The following FLI1 variants were observed in gnomAD, a reference collection of about 807,000 sequenced individuals.
FLI1 encodes Fli-1 proto-oncogene, ETS transcription factor.
FLI1 carries 13 observed loss-of-function variants against 53.1 expected under a neutral mutation model. The ratio of observed to expected loss-of-function variants is 0.24; its 90% CI spans 0.16 to 0.39. The LOEUF (loss-of-function observed/expected upper bound fraction) is 0.39, where lower values mean the gene tolerates loss of function less well. FLI1 is among the 10% of genes least tolerant of loss of function. FLI1 has a pLI of 1.00. For missense variants in FLI1, 424 were observed against 600.5 expected (o/e 0.71, Z 3.07); for synonymous variants, 244 against 236.7 (o/e 1.03, Z -0.28).
rs780717286 is a variant in FLI1 at position 128,764,168 on chromosome 11, A to G, written c.231-3950A>G. 6.0e-4 allele frequency among the ~76,000 whole-genome samples: 91 copies of G among 152,246 alleles called. 1 individual carries two copies. Among genetic ancestry groups the G allele is most frequent in the Admixed American group, 9.8e-4 (15 of 15,290 alleles). ...CTAGGAAGGTAGAGAAGATCTTTGT[A>G]CAGCCTAAAGAGGTAATCTTCAGGA... On this transcript the variant is annotated intron_variant, in intron 2 of 8. Transcript: ENST00000527786.
intron 4 of FLI1, among the ~76,000 whole-genome samples, chr11:128,774,455 T>A (rs1223210087): frequency 6.6e-6 from 1 of 152,208 alleles, no homozygotes; most frequent in East Asian, 1.9e-4. Flanking sequence ...AGCTTTTAAC[T>A]GTTTGTGGAA....
At chr11:128,790,421 C>G (rs1942239394) in intron 5 of FLI1, among the ~76,000 whole-genome samples, 1 of 152,102 alleles carries the variant, frequency 6.6e-6, no homozygotes, top group Admixed American at 6.5e-5. Flanking sequence ...AAACCCCAAT[C>G]CCTCGGGAAC....
chr11:128,801,779 T>C (rs772952487), intron 5 of FLI1, among the ~76,000 whole-genome samples: 2 of 152,232 alleles, frequency 1.3e-5, no homozygotes, highest in Non-Finnish European at 2.9e-5. Context: ...AACAAATACT[T>C]AGAGTCTACT....
chr11:128,784,481 G>A (rs916701065), intron 5 of FLI1, among the ~76,000 whole-genome samples: 4 of 152,142 alleles, frequency 2.6e-5, no homozygotes, highest in African/African-American at 9.7e-5. Flanking sequence ...CATTCAGGTG[G>A]TGCCGGCATT....
chr11:128,748,636 A>T (rs1940514616), intron 1 of FLI1, among the ~76,000 whole-genome samples: 1 of 151,954 alleles, frequency 6.6e-6, no homozygotes, highest in Admixed American at 6.6e-5. Flanking sequence ...TCTGTCTCAA[A>T]AAAAAAAAGA....
Position 128,794,813 on chromosome 11 carries a change from C to T in FLI1, c.656-10553C>T, listed in dbSNP as rs543729139. Among the ~76,000 whole-genome samples, 367 of 152,190 alleles carry T rather than the reference C, an allele frequency of 2.4e-3. 6 individuals are homozygous for T. Among genetic ancestry groups the T allele is most frequent in the Middle Eastern group, 6.8e-3 (2 of 294 alleles). ...AACATGGGTCAGGTGTGGTGGCTCA[C>T]GCCTGTAATCTCAACATTTTGGGAG... On this transcript the variant is annotated intron_variant, in intron 5 of 8. Coordinates refer to ENST00000527786, the MANE Select transcript of FLI1 (RefSeq NM_002017.5).
At chr11:128,805,196 G>C in intron 5 of FLI1, 170 bp from the exon 6 acceptor site, 1 of 499,904 alleles carries the variant, frequency 2.0e-6, no homozygotes. Context: ...GAAAGTCAGA[G>C]TGTTAATATT....
intron 1 of FLI1, among the ~76,000 whole-genome samples, chr11:128,696,512 G>C (rs1938083904): frequency 6.6e-6 from 1 of 152,148 alleles, no homozygotes; most frequent in Non-Finnish European, 1.5e-5. Flanking sequence ...GCCTGTTTGA[G>C]ATTCATAGTC....
intron 2 of FLI1, chr11:128,764,550 G>A (rs556147719): frequency 1.8e-6 from 2 of 1,087,438 alleles, no homozygotes; most frequent in South Asian, 2.7e-5. Context: ...AGCTGTAAGT[G>A]CAGGTCTTAA....
At chr11:128,758,016 T>TG in intron 1 of FLI1, 99 bp from the exon 2 acceptor site, 1 of 1,045,968 alleles carries the variant, frequency 9.6e-7, no homozygotes, top group East Asian at 2.6e-5. Flanking sequence ...CAAGCTGTCC[T>TG]GGGGCAGCCC....
intron 2 of FLI1, among the ~76,000 whole-genome samples, chr11:128,761,926 G>A (rs1456803895): frequency 6.6e-6 from 1 of 152,044 alleles, no homozygotes; most frequent in Non-Finnish European, 1.5e-5. Context: ...CAGAAAGACT[G>A]ATATCTTCTC....
rs772608802 is a variant in FLI1 at position 128,768,208 on chromosome 11, C to T, written c.321C>T (p.Asp107=). 69 of 1,613,776 alleles carry T rather than the reference C, an allele frequency of 4.3e-5. No individual in the cohort carries two copies. The African/African-American group carries it at 6.7e-4, about 16-fold the overall frequency. Residue 107 remains aspartate (D), a synonymous_variant, in exon 3 of 9, where the codon GAC becomes GAT. Coordinates refer to ENST00000527786, the MANE Select transcript of FLI1 (RefSeq NM_002017.5). ...CCATGAACTACAACAGCTATATGGA[C>T]GAGAAGAATGGCCCCCCTCCTCCCA... is the stretch of plus-strand genomic sequence containing the variant. The part of the protein sequence containing the change: ...SNPMNYNSYM[D]EKNGPPPPNM...
chr11:128,800,338 T>C (rs1013351074), intron 5 of FLI1, among the ~76,000 whole-genome samples: 8 of 152,122 alleles, frequency 5.3e-5, no homozygotes, highest in Non-Finnish European at 8.8e-5. Flanking sequence ...ACCCAGTCAT[T>C]GAGAGCAAGG....
intron 5 of FLI1, among the ~76,000 whole-genome samples, chr11:128,789,364 G>A (rs1942195149): frequency 6.6e-6 from 1 of 152,172 alleles, no homozygotes; most frequent in South Asian, 2.1e-4. Flanking sequence ...CAGCGAAGGA[G>A]CGGAGAGCCA....
At chr11:128,688,367 C>G (rs962771349) in intron 1 of FLI1, among the ~76,000 whole-genome samples, 7 of 152,230 alleles carry the variant, frequency 4.6e-5, no homozygotes, top group Middle Eastern at 3.2e-3. Context: ...TTTTCAGCAG[C>G]CACAAAGTTT....
At chr11:128,789,851 G>A (rs1384590385) in intron 5 of FLI1, among the ~76,000 whole-genome samples, 10 of 152,160 alleles carry the variant, frequency 6.6e-5, no homozygotes, top group Non-Finnish European at 1.5e-4. Flanking sequence ...TATTTTTAGG[G>A]AGTAAATAAC....
At chr11:128,805,702 C>G in intron 6 of FLI1, 1 of 381,220 alleles carries the variant, frequency 2.6e-6, no homozygotes, top group South Asian at 4.8e-5. Flanking sequence ...AGGTTCTGTA[C>G]CAATGAATGG....
intron 1 of FLI1, among the ~76,000 whole-genome samples, chr11:128,751,462 A>G (rs1413368307): frequency 6.7e-6 from 1 of 149,930 alleles, no homozygotes; most frequent in African/African-American, 2.5e-5. Context: ...TGATCCTCTC[A>G]CCTCAGTTTT....
intron 3 of FLI1, among the ~76,000 whole-genome samples, chr11:128,769,714 C>A (rs1214150012): frequency 6.6e-6 from 1 of 152,294 alleles, no homozygotes; most frequent in African/African-American, 2.4e-5. Context: ...TCTGACCTAA[C>A]AAAGGAAGAG....
Sources: gnomAD v4.1 joint callset for allele counts (sites outside exome capture counted in the v4.1 genomes callset) on GRCh38, gnomAD v4.1.1 for gene constraint, MANE v1.5 for transcripts, NCBI Gene and HGNC (gene_info 2026-07-23, HGNC 2026-07-21) for gene names.